Variants in ADGRL3 observed in about 807,000 individuals in gnomAD.
The protein encoded by ADGRL3 is adhesion G protein-coupled receptor L3.
ADGRL3 carries 62 observed loss-of-function variants against 153.5 expected under a neutral mutation model. The observed-to-expected ratio is 0.40, with a 90% CI of 0.33 to 0.50. The LOEUF is 0.50. Ranked by LOEUF, ADGRL3 falls within the 20% of genes least tolerant of loss-of-function variation. The pLI is 0.47. For missense variants in ADGRL3, 1,641 were observed against 1,859.4 expected (o/e 0.88, Z 2.16); for synonymous variants, 710 against 672.5 (o/e 1.06, Z -0.86).
chr4:61,237,859 T>G (rs1753423438), intron 1 of ADGRL3, among the ~76,000 whole-genome samples: 1 of 152,120 alleles, frequency 6.6e-6, no homozygotes, highest in Non-Finnish European at 1.5e-5. Context: ...CTTAGTGAAA[T>G]GGTTAGGGTG....
intron 6 of ADGRL3, among the ~76,000 whole-genome samples, chr4:61,692,190 T>A (rs1324424500): frequency 6.6e-6 from 1 of 152,170 alleles, no homozygotes; most frequent in Admixed American, 6.6e-5. Flanking sequence ...TATAATATTA[T>A]CATATTCTCA....
At chr4:61,895,540 A>C (rs1022709174) in intron 10 of ADGRL3, among the ~76,000 whole-genome samples, 191 bp from the exon 11 acceptor site, 2 of 152,058 alleles carry the variant, frequency 1.3e-5, no homozygotes, top group African/African-American at 4.8e-5. Context: ...TGCTTCAAAC[A>C]TATTGTATGT....
intron 2 of ADGRL3, among the ~76,000 whole-genome samples, chr4:61,462,074 A>G (rs2097826796): frequency 6.6e-6 from 1 of 152,190 alleles, no homozygotes; most frequent in African/African-American, 2.4e-5. Flanking sequence ...TTTAAACCTG[A>G]CCTTTCATTT....
At chr4:61,574,223 G>T (rs1025981853) in intron 4 of ADGRL3, among the ~76,000 whole-genome samples, 1 of 151,762 alleles carries the variant, frequency 6.6e-6, no homozygotes, top group Admixed American at 6.6e-5. Flanking sequence ...CACATTTTTC[G>T]TAAAGCAGCC....
chr4:61,671,463 A>G (rs2094994232), intron 5 of ADGRL3, among the ~76,000 whole-genome samples: 1 of 152,202 alleles, frequency 6.6e-6, no homozygotes, highest in South Asian at 2.1e-4. Context: ...ACTAACATTT[A>G]TTAAACCTGA....
intron 9 of ADGRL3, among the ~76,000 whole-genome samples, chr4:61,820,279 G>A (rs947364594): frequency 5.9e-5 from 9 of 152,082 alleles, no homozygotes; most frequent in Non-Finnish European, 1.0e-4. Flanking sequence ...TAATGTGTTC[G>A]TACATAGCAT....
intron 1 of ADGRL3, among the ~76,000 whole-genome samples, chr4:61,281,502 T>C (rs1439962534): frequency 6.6e-6 from 1 of 152,150 alleles, no homozygotes; most frequent in Non-Finnish European, 1.5e-5. Context: ...TGTTAATCAC[T>C]AAAAATGGCT....
chr4:61,405,664 A>C (rs894730362), intron 2 of ADGRL3, among the ~76,000 whole-genome samples: 1 of 151,112 alleles, frequency 6.6e-6, no homozygotes, highest in Non-Finnish European at 1.5e-5. Flanking sequence ...GTATTTTTTA[A>C]AATATTTAGA....
intron 1 of ADGRL3, among the ~76,000 whole-genome samples, chr4:61,364,377 AAT>A (rs1174050923): frequency 1.3e-5 from 2 of 151,710 alleles, no homozygotes; most frequent in Non-Finnish European, 2.9e-5. Context: ...AAAATCATGA[AAT>A]ATGAGTATAT....
chr4:61,577,330 C>G (rs1233833328), intron 4 of ADGRL3, among the ~76,000 whole-genome samples: 2 of 151,834 alleles, frequency 1.3e-5, no homozygotes, highest in Non-Finnish European at 2.9e-5. Flanking sequence ...TCCTTTCCTT[C>G]AAAATTAAAA....
chr4:61,346,613 G>A (rs75786069), intron 1 of ADGRL3, among the ~76,000 whole-genome samples: 7 of 142,020 alleles, frequency 4.9e-5, no homozygotes, highest in African/African-American at 2.6e-5. Flanking sequence ...AAGAAAAATA[G>A]AAAAAAAAAA....
chr4:61,764,218 T>C (rs1486999977), intron 8 of ADGRL3, among the ~76,000 whole-genome samples: 2 of 152,188 alleles, frequency 1.3e-5, no homozygotes, highest in Non-Finnish European at 2.9e-5. Flanking sequence ...ATACAAGTTT[T>C]CATGTGCGTC....
At chr4:62,062,533 A>C (rs1224375551) in intron 25 of ADGRL3, among the ~76,000 whole-genome samples, 1 of 151,882 alleles carries the variant, frequency 6.6e-6, no homozygotes, top group African/African-American at 2.4e-5. Context: ...TTCTTTCTTT[A>C]TTCATCTAAC....
intron 17 of ADGRL3, among the ~76,000 whole-genome samples, chr4:61,969,876 C>T (rs1258227383): frequency 6.6e-6 from 1 of 152,142 alleles, no homozygotes; most frequent in African/African-American, 2.4e-5. Flanking sequence ...TGGCATGCAG[C>T]CTCCATTTTC....
chr4:61,839,286 G>T (rs7665141), intron 9 of ADGRL3, among the ~76,000 whole-genome samples: 55,728 of 151,764 alleles, frequency 0.37, 12,931 homozygotes, highest in East Asian at 0.74. Context: ...GACCTCCTGG[G>T]CTCAGGGGAT....
At chr4:61,833,167 C>T (rs1289606477) in intron 9 of ADGRL3, among the ~76,000 whole-genome samples, 1 of 151,930 alleles carries the variant, frequency 6.6e-6, no homozygotes, top group Non-Finnish European at 1.5e-5. Context: ...GTGTATCACG[C>T]TTTATAGGTG....
intron 1 of ADGRL3, among the ~76,000 whole-genome samples, chr4:61,294,941 C>T (rs2094356489): frequency 1.3e-5 from 2 of 150,788 alleles, no homozygotes; most frequent in Non-Finnish European, 3.0e-5. Context: ...ACACAGTAGT[C>T]CCCATTATTC....
intron 1 of ADGRL3, among the ~76,000 whole-genome samples, chr4:61,335,017 T>G: frequency 6.6e-6 from 1 of 152,146 alleles, no homozygotes; most frequent in East Asian, 1.9e-4. Context: ...TTCATAACTC[T>G]TTTAAAAACA....
chr4:61,469,357 A>G (rs184297378), intron 2 of ADGRL3, among the ~76,000 whole-genome samples: 10 of 152,242 alleles, frequency 6.6e-5, no homozygotes, highest in Admixed American at 5.9e-4. Flanking sequence ...AACCTTTGCC[A>G]AGTGTTTTGA....
Sources: allele counts gnomAD v4.1 joint callset (sites outside exome capture counted in the v4.1 genomes callset), GRCh38; gene constraint gnomAD v4.1.1; transcripts MANE v1.5; gene names NCBI Gene and HGNC (gene_info 2026-07-23, HGNC 2026-07-21).